LRRC4C: variants seen among roughly 807,000 people sequenced by gnomAD.
LRRC4C encodes the protein leucine rich repeat containing 4C.
A neutral mutation model predicts 33.6 loss-of-function variants in LRRC4C; 5 were observed. That is an observed-to-expected ratio of 0.15 (90% CI 0.08 to 0.31). The LOEUF is 0.31. LRRC4C is among the 10% of genes least tolerant of loss of function. The probability of loss-of-function intolerance (pLI) is 1.00; values close to 1 mark genes in which losing one functional copy is unlikely to be tolerated. For synonymous variants in LRRC4C, 329 were observed against 302.0 expected, an observed-to-expected ratio of 1.09 and a Z score of -0.93; for missense variants, 560 against 796.7, an observed-to-expected ratio of 0.70 and a Z score of 3.58.
intron 1 of LRRC4C, among the ~76,000 whole-genome samples, chr11:41,333,011 A>G (rs775266967): frequency 1.2e-4 from 19 of 152,180 alleles, no homozygotes; most frequent in African/African-American, 1.7e-4. Flanking sequence ...AAAAAAGAAG[A>G]CAAAATTATG....
intron 3 of LRRC4C, among the ~76,000 whole-genome samples, chr11:40,592,044 T>G (rs951237397): frequency 1.3e-5 from 2 of 149,688 alleles, no homozygotes; most frequent in Non-Finnish European, 1.5e-5. Context: ...CTCAAATAGA[T>G]GTTACATGTT....
At chr11:40,487,852 A>G (rs1235020005) in intron 3 of LRRC4C, among the ~76,000 whole-genome samples, 1 of 152,056 alleles carries the variant, frequency 6.6e-6, no homozygotes, top group African/African-American at 2.4e-5. Context: ...TTATGTGACA[A>G]CTGTAGATTT....
At chr11:41,440,347 ATCT>A (rs1955575680) in intron 1 of LRRC4C, among the ~76,000 whole-genome samples, 1 of 152,174 alleles carries the variant, frequency 6.6e-6, no homozygotes, top group Non-Finnish European at 1.5e-5. Context: ...ACATGGCATA[ATCT>A]AATGATGATG....
intron 1 of LRRC4C, among the ~76,000 whole-genome samples, chr11:41,237,360 G>A (rs1414067918): frequency 1.3e-5 from 2 of 151,920 alleles, no homozygotes; most frequent in Non-Finnish European, 2.9e-5. Flanking sequence ...ACTAAAATAA[G>A]AAAAAAGGGA....
At chr11:40,686,609 C>T (rs559148580) in intron 2 of LRRC4C, among the ~76,000 whole-genome samples, 2 of 152,174 alleles carry the variant, frequency 1.3e-5, no homozygotes, top group African/African-American at 4.8e-5. Context: ...AGTGGCTGTA[C>T]AAGCTTCAGG....
chr11:40,653,886 T>C (rs7480683), intron 2 of LRRC4C, among the ~76,000 whole-genome samples: 122,995 of 152,178 alleles, frequency 0.81, 49,868 homozygotes, highest in African/African-American at 0.85. Flanking sequence ...GACCTTGCTG[T>C]TTTTTGCAGC....
At chr11:41,286,029 C>T (rs898955717) in intron 1 of LRRC4C, among the ~76,000 whole-genome samples, 2 of 151,944 alleles carry the variant, frequency 1.3e-5, no homozygotes, top group Admixed American at 6.6e-5. Flanking sequence ...CGGGGTTTCA[C>T]CATGTTAGCC....
At chr11:40,669,550 G>A (rs1943981676) in intron 2 of LRRC4C, among the ~76,000 whole-genome samples, 1 of 152,044 alleles carries the variant, frequency 6.6e-6, no homozygotes, top group Admixed American at 6.6e-5. Flanking sequence ...AAGTCCTATT[G>A]GTAATCTGTT....
At chr11:40,550,054 C>G (rs908506457) in intron 3 of LRRC4C, among the ~76,000 whole-genome samples, 1 of 151,954 alleles carries the variant, frequency 6.6e-6, no homozygotes. Context: ...CCCTAAGACA[C>G]CTAGAACTGT....
At chr11:40,658,479 G>A (rs1313249656) in intron 2 of LRRC4C, among the ~76,000 whole-genome samples, 1 of 152,162 alleles carries the variant, frequency 6.6e-6, no homozygotes, top group African/African-American at 2.4e-5. Context: ...GGGTTTAATT[G>A]TAAAGCTACC....
intron 1 of LRRC4C, among the ~76,000 whole-genome samples, chr11:41,043,771 A>C (rs1590338118): frequency 6.6e-6 from 1 of 152,128 alleles, no homozygotes; most frequent in East Asian, 1.9e-4. Context: ...AAAAGGCAAA[A>C]CCATATAGAT....
intron 1 of LRRC4C, among the ~76,000 whole-genome samples, chr11:41,034,763 G>C (rs990357344): frequency 6.7e-6 from 1 of 148,862 alleles, no homozygotes; most frequent in Admixed American, 6.7e-5. Context: ...TAGTGGTCAA[G>C]TATGCCACAT....
At chr11:40,894,893 G>C (rs1301923299) in intron 2 of LRRC4C, among the ~76,000 whole-genome samples, 3 of 152,048 alleles carry the variant, frequency 2.0e-5, no homozygotes, top group Non-Finnish European at 4.4e-5. Flanking sequence ...CTTGTATATA[G>C]TTATTTATTT....
intron 1 of LRRC4C, among the ~76,000 whole-genome samples, chr11:40,987,648 TA>T (rs1249505316): frequency 1.2e-4 from 6 of 49,074 alleles, no homozygotes; most frequent in Non-Finnish European, 1.6e-4. Flanking sequence ...TATATATATA[TA>T]TATCTCATAT....
chr11:41,442,811 T>G (rs1480633659), intron 1 of LRRC4C, among the ~76,000 whole-genome samples: 1 of 152,154 alleles, frequency 6.6e-6, no homozygotes, highest in East Asian at 1.9e-4. Flanking sequence ...TAGATTTTTA[T>G]ACTGTATAAT....
At chr11:40,800,319 T>C (rs1380747918) in intron 2 of LRRC4C, among the ~76,000 whole-genome samples, 3 of 152,130 alleles carry the variant, frequency 2.0e-5, no homozygotes, top group Non-Finnish European at 4.4e-5. Context: ...CCCTTCTAAC[T>C]GGGGGAATGT....
intron 1 of LRRC4C, among the ~76,000 whole-genome samples, chr11:40,955,735 G>T (rs1442950026): frequency 3.3e-5 from 5 of 151,798 alleles, no homozygotes; most frequent in Non-Finnish European, 7.4e-5. Flanking sequence ...AGTCAGTAAA[G>T]ATTCTCTTGC....
chr11:40,524,608 G>A (rs1209602888), intron 3 of LRRC4C, among the ~76,000 whole-genome samples: 5 of 152,168 alleles, frequency 3.3e-5, no homozygotes. Context: ...AAAAGGTGGT[G>A]AGGAAAGCTT....
intron 1 of LRRC4C, among the ~76,000 whole-genome samples, chr11:41,236,574 G>GAAA (rs141265510): frequency 1.4e-4 from 20 of 145,180 alleles, no homozygotes; most frequent in African/African-American, 5.0e-4. Context: ...CATTATAATT[G>GAAA]AAAAAAAAAA....
Sources: gnomAD v4.1 joint callset for allele counts (sites outside exome capture counted in the v4.1 genomes callset) on GRCh38, gnomAD v4.1.1 for gene constraint, MANE v1.5 for transcripts, NCBI Gene and HGNC (gene_info 2026-07-23, HGNC 2026-07-21) for gene names.